The following DNAH7 variants were observed in gnomAD, a reference collection of about 807,000 sequenced individuals.
DNAH7 encodes axonemal beta dynein heavy chain 7.
In DNAH7, 397 loss-of-function variants were observed where a neutral mutation model predicts 444.6. That is an observed-to-expected ratio of 0.89 (90% confidence interval 0.82 to 0.97). DNAH7 has a LOEUF of 0.97. DNAH7 is among the 50% of genes least tolerant of loss of function. The pLI, the probability that DNAH7 is intolerant of heterozygous loss-of-function variation, is 0.00. For synonymous variants in DNAH7, 1,636 were observed against 1,624.4 expected (o/e 1.01, Z -0.17); for missense variants, 4,902 against 4,800.8 (o/e 1.02, Z -0.62).
At chr2:196,030,788 G>A (rs568840526) in intron 5 of DNAH7, among the ~76,000 whole-genome samples, 1 of 152,370 alleles carries the variant, frequency 6.6e-6, no homozygotes, top group African/African-American at 2.4e-5. Flanking sequence ...GATGCAAGAG[G>A]TGGGTTCCCA....
chr2:195,907,801 C>T (rs1397549836), intron 25 of DNAH7, among the ~76,000 whole-genome samples: 2 of 151,906 alleles, frequency 1.3e-5, no homozygotes, highest in Non-Finnish European at 2.9e-5. Context: ...TTCATTCTTC[C>T]GAACCACACT....
intron 54 of DNAH7, among the ~76,000 whole-genome samples, chr2:195,806,145 T>A (rs1696699012): frequency 6.6e-6 from 1 of 152,126 alleles, no homozygotes; most frequent in Non-Finnish European, 1.5e-5. Context: ...CTTTGTGGTA[T>A]CGGTCAATAT....
chr2:195,900,496 T>C lies in DNAH7; in HGVS notation c.4336-2A>G, dbSNP rs1279015027. On this transcript the variant is annotated splice_acceptor_variant, in intron 27 of 64. Coordinates refer to ENST00000312428, the MANE Select transcript of DNAH7 (RefSeq NM_018897.3). LOFTEE classifies it high-confidence loss of function. Reference sequence around the variant, plus strand: ...CATTGCTACTGTCCGAAAGAGAGCCTATGGGTAGGTAGAAAGTTACTTTTA... The same window carrying C: ...CATTGCTACTGTCCGAAAGAGAGCCCATGGGTAGGTAGAAAGTTACTTTTA... 11 of 1,612,982 alleles carry C rather than the reference T, an allele frequency of 6.8e-6. No homozygotes were observed. Among genetic ancestry groups the C allele is most frequent in the Non-Finnish European group, 8.5e-6 (10 of 1,179,238 alleles).
At chr2:196,043,758 A>G (rs1220364398) in intron 5 of DNAH7, among the ~76,000 whole-genome samples, 1 of 152,084 alleles carries the variant, frequency 6.6e-6, no homozygotes, top group Admixed American at 6.6e-5. Context: ...TGAATAGACA[A>G]TTTTCAAAAG....
Position 195,873,664 on chromosome 2 carries a change from T to C in DNAH7, c.6317A>G (p.Tyr2106Cys), listed in dbSNP as rs757357025. The C allele has an allele frequency of 3.9e-6, 6 of 1,533,344 alleles. No homozygotes were observed. Among genetic ancestry groups the C allele is most frequent in the Non-Finnish European group, 5.2e-6 (6 of 1,147,908 alleles). The allele number at this position is 1,533,344 out of a possible 1,614,324, so 95.0% of individuals were successfully genotyped here. A position where few individuals can be genotyped will look rare whatever the true frequency, so the allele number is the denominator to read the frequency against. Residue 2106 changes from tyrosine (Y) to cysteine (C), a missense_variant, in exon 39 of 65, where the codon TAC becomes TGC. Physicochemically the swap from Tyr to Cys is radical, Grantham distance 194 (BLOSUM62 -2). Coordinates refer to ENST00000312428, the MANE Select transcript of DNAH7 (RefSeq NM_018897.3). Reference protein sequence around the residue: ...GGGRNPVTPRYMRHFNIITIN... With the variant: ...GGGRNPVTPRCMRHFNIITIN... ...TGTTATAATATTGAAATGTCGCATG[T>C]ATCGAGGAGTTACTGGATTTCGACC... is the stretch of plus-strand genomic sequence containing the variant.
chr2:195,743,154 G>A (rs375050102), intron 63 of DNAH7, among the ~76,000 whole-genome samples: 9 of 152,154 alleles, frequency 5.9e-5, no homozygotes, highest in Admixed American at 2.0e-4. Flanking sequence ...TTGGACTTTC[G>A]GACTTACTCT....
At chr2:195,940,849 A>G (rs1404679345) in intron 19 of DNAH7, among the ~76,000 whole-genome samples, 4 of 152,140 alleles carry the variant, frequency 2.6e-5, no homozygotes, top group Non-Finnish European at 4.4e-5. Context: ...TTAGAATGCC[A>G]ATCATTAAAA....
intron 10 of DNAH7, among the ~76,000 whole-genome samples, chr2:196,005,049 T>C (rs1318267144): frequency 6.8e-6 from 1 of 147,308 alleles, no homozygotes; most frequent in African/African-American, 2.5e-5. Flanking sequence ...GGCAGGCAGA[T>C]CACAAGGTCA....
chr2:196,019,242 TA>T lies in DNAH7; in HGVS notation c.796del (p.Tyr266IlefsTer6). 6.6e-7 allele frequency: 1 copy of T among 1,514,532 alleles called. No individual in the cohort carries two copies. Among genetic ancestry groups the T allele is most frequent in the South Asian group, 1.4e-5 (1 of 71,932 alleles). 93.8% of individuals were successfully genotyped at this position (1,514,532 alleles called of 1,614,324 possible). A position where few individuals can be genotyped will look rare whatever the true frequency, so the allele number is the denominator to read the frequency against. On this transcript the variant is annotated frameshift_variant, in exon 9 of 65. Transcript: ENST00000312428. LOFTEE classifies it high-confidence loss of function. The part of the protein sequence containing the change: ...WRKSFLAASS[Y>X]IRDHLNAMNP... ...CATTGCATTCAAGTGATCCCTAATA[TA>T]ACTGCTTGCAGCTAAAAAAGATTTC...
Position 195,936,618 on chromosome 2 carries a change from CAGAT to C in DNAH7, c.3249_3252del (p.Ser1084ArgfsTer12), listed in dbSNP as rs765522628. ...ACTTACCTAGTGGGATCTTTAGTCT[CAGAT>C]AGTATCTCAAGAAGTTCATCATTGG... On this transcript the variant is annotated frameshift_variant, in exon 20 of 65. Transcript: ENST00000312428. LOFTEE classifies it high-confidence loss of function. 8.8e-6 allele frequency: 14 copies of C among 1,596,248 alleles called. No individual in the cohort carries two copies. Among genetic ancestry groups the C allele is most frequent in the South Asian group, 1.2e-5 (1 of 85,528 alleles).
rs1279589364 is a variant in DNAH7 at position 196,048,391 on chromosome 2, G to C, written c.155C>G (p.Pro52Arg). Residue 52 changes from proline to arginine, a missense_variant, in exon 4 of 65, where the codon CCC becomes CGC. Transcript: ENST00000312428. ...TGATGGAGCTGCCTGCTGCCAGTGGGGCTTTGTACTCACCTAAAATACAAA... is the reference window on the plus strand; with the variant it reads ...TGATGGAGCTGCCTGCTGCCAGTGGCGCTTTGTACTCACCTAAAATACAAA... ...LPQLSMVSTK[P>R]HWQQAAPSFH... 1.2e-6 allele frequency: 2 copies of C among 1,613,518 alleles called. No individual in the cohort carries two copies. The highest frequency in any genetic ancestry group is 2.2e-5 in the South Asian group (2 of 91,040).
At chr2:195,792,133 A>G (rs1695902802) in intron 57 of DNAH7, among the ~76,000 whole-genome samples, 1 of 138,676 alleles carries the variant, frequency 7.2e-6, no homozygotes, top group African/African-American at 2.7e-5. Flanking sequence ...AGCCACTGCA[A>G]TCCAACCTGG....
rs532642995 is a variant in DNAH7 at position 195,975,523 on chromosome 2, T to C, written c.1834-3057A>G. On this transcript the variant is annotated intron_variant, in intron 15 of 64. Coordinates refer to ENST00000312428, the MANE Select transcript of DNAH7 (RefSeq NM_018897.3). ...ACAAGAACTGCAACTCCTAGGCAAG[T>C]TTTAGTGCCGTGTGGGGTCAGAGCC... 7.9e-5 allele frequency among the ~76,000 whole-genome samples: 12 copies of C among 152,216 alleles called. 1 individual carries two copies. The South Asian group carries it at 2.3e-3, about 29-fold the overall frequency.
intron 12 of DNAH7, among the ~76,000 whole-genome samples, chr2:195,989,265 C>A (rs2125640846): frequency 6.6e-6 from 1 of 152,304 alleles, no homozygotes; most frequent in Non-Finnish European, 1.5e-5. Flanking sequence ...AACCTCCTTA[C>A]TGTTTTCTAT....
chr2:195,956,092 C>T (rs945080640), intron 19 of DNAH7, among the ~76,000 whole-genome samples: 1 of 152,032 alleles, frequency 6.6e-6, no homozygotes, highest in Admixed American at 6.6e-5. Flanking sequence ...TGAATATTTT[C>T]CTATCAGATC....
chr2:195,940,132 G>A (rs1276798471), intron 19 of DNAH7, among the ~76,000 whole-genome samples: 1 of 152,176 alleles, frequency 6.6e-6, no homozygotes, highest in East Asian at 1.9e-4. Context: ...ATACTACAAG[G>A]CTACAGTAAC....
intron 12 of DNAH7, among the ~76,000 whole-genome samples, chr2:195,992,381 T>C (rs755689461): frequency 3.3e-5 from 5 of 152,198 alleles, no homozygotes; most frequent in African/African-American, 4.8e-5. Flanking sequence ...TTTGTTTTTT[T>C]CCCAAACTTA....
intron 47 of DNAH7, among the ~76,000 whole-genome samples, chr2:195,837,170 G>A (rs937485974): frequency 6.6e-6 from 1 of 152,036 alleles, no homozygotes; most frequent in South Asian, 2.1e-4. Context: ...TCAAATAAAG[G>A]TTGCATGTGA....
At chr2:196,003,229 T>C (rs532972590) in intron 10 of DNAH7, among the ~76,000 whole-genome samples, 1 of 148,808 alleles carries the variant, frequency 6.7e-6, no homozygotes, top group East Asian at 1.9e-4. Context: ...AGTGGAAGAA[T>C]TATAAAGAAA....
Sources: allele counts gnomAD v4.1 joint callset (sites outside exome capture counted in the v4.1 genomes callset), GRCh38; gene constraint gnomAD v4.1.1; transcripts MANE v1.5; gene names NCBI Gene and HGNC (gene_info 2026-07-23, HGNC 2026-07-21).